Variants in COL25A1 observed in about 807,000 individuals in gnomAD.
COL25A1 encodes the protein collagen type XXV alpha 1 chain, also known as collagen alpha-1(XXV) chain.
Under a neutral mutation model 128.4 loss-of-function variants are expected in COL25A1, and 103 were observed. The ratio of observed to expected loss-of-function variants is 0.80; its 90% CI spans 0.68 to 0.94. The LOEUF is 0.94. Ranked by LOEUF, COL25A1 falls within the 40% of genes least tolerant of loss-of-function variation. COL25A1 has a pLI of 0.00. For missense variants in COL25A1, 745 were observed against 840.0 expected (o/e 0.89, Z 1.40); for synonymous variants, 279 against 277.2 (o/e 1.01, Z -0.06).
chr4:109,294,455 C>T (rs1419528040), intron 3 of COL25A1, among the ~76,000 whole-genome samples: 1 of 151,972 alleles, frequency 6.6e-6, no homozygotes, highest in African/African-American at 2.4e-5. Context: ...GAATAAATCC[C>T]AAATGAAGCA....
intron 3 of COL25A1, among the ~76,000 whole-genome samples, chr4:109,200,217 C>T (rs1776438223): frequency 6.6e-6 from 1 of 152,208 alleles, no homozygotes; most frequent in Non-Finnish European, 1.5e-5. Context: ...ATCAGATGTG[C>T]TCAAGCCTCA....
At chr4:109,125,682 A>G (rs1447344992) in intron 3 of COL25A1, among the ~76,000 whole-genome samples, 1 of 152,138 alleles carries the variant, frequency 6.6e-6, no homozygotes, top group Non-Finnish European at 1.5e-5. Flanking sequence ...ATGGTGATCA[A>G]TTTTCAACAC....
At chr4:109,052,299 C>T (rs1486035263) in intron 3 of COL25A1, among the ~76,000 whole-genome samples, 1 of 152,058 alleles carries the variant, frequency 6.6e-6, no homozygotes, top group Non-Finnish European at 1.5e-5. Context: ...ATTAAATATT[C>T]AATCAGAAGG....
At chr4:108,978,609 A>C (rs1752665152) in intron 6 of COL25A1, among the ~76,000 whole-genome samples, 1 of 152,214 alleles carries the variant, frequency 6.6e-6, no homozygotes, top group South Asian at 2.1e-4. Context: ...AATAAAAATT[A>C]ATGGCTATTT....
chr4:109,047,906 G>A (rs1320665298), intron 5 of COL25A1, among the ~76,000 whole-genome samples: 2 of 151,728 alleles, frequency 1.3e-5, no homozygotes, highest in African/African-American at 4.8e-5. Flanking sequence ...CTAATTTTTT[G>A]TATTTTTAGT....
At chr4:109,116,639 T>C (rs117750274) in intron 3 of COL25A1, among the ~76,000 whole-genome samples, 2,327 of 152,048 alleles carry the variant, frequency 0.015, 165 homozygotes, top group Admixed American at 0.12. Flanking sequence ...AAGCAAAACA[T>C]ATGGTGTCAG....
intron 3 of COL25A1, among the ~76,000 whole-genome samples, chr4:109,068,436 G>A (rs1164111464): frequency 6.6e-6 from 1 of 152,008 alleles, no homozygotes; most frequent in Non-Finnish European, 1.5e-5. Flanking sequence ...AGGGAAGCAG[G>A]GAAGAGGAGG....
chr4:109,285,456 A>T (rs1723787827), intron 3 of COL25A1, among the ~76,000 whole-genome samples: 1 of 152,230 alleles, frequency 6.6e-6, no homozygotes, highest in African/African-American at 2.4e-5. Flanking sequence ...AATGTAATGT[A>T]TGTCTAGATA....
intron 3 of COL25A1, among the ~76,000 whole-genome samples, chr4:109,126,063 C>T (rs1316770466): frequency 6.6e-6 from 1 of 151,898 alleles, no homozygotes; most frequent in African/African-American, 2.4e-5. Context: ...TTTGCTGTGC[C>T]GTAATATTTT....
chr4:109,136,444 T>C (rs1769773902), intron 3 of COL25A1, among the ~76,000 whole-genome samples: 1 of 152,130 alleles, frequency 6.6e-6, no homozygotes, highest in South Asian at 2.1e-4. Context: ...CATGCTATAA[T>C]TGAAGAAAGA....
chr4:109,209,124 T>C (rs1777288822), intron 3 of COL25A1, among the ~76,000 whole-genome samples: 1 of 152,174 alleles, frequency 6.6e-6, no homozygotes, highest in Admixed American at 6.6e-5. Context: ...CAATTAATAT[T>C]TTCAAGTAAC....
At chr4:108,884,338 C>A (rs1239933761) in intron 18 of COL25A1, 116 bp from the exon 19 acceptor site, 18 of 951,474 alleles carry the variant, frequency 1.9e-5, no homozygotes, top group Non-Finnish European at 2.7e-5. Context: ...AATAAAAAAA[C>A]CGTCTACTTT....
At chr4:109,146,103 A>G (rs1304942659) in intron 3 of COL25A1, among the ~76,000 whole-genome samples, 5 of 152,206 alleles carry the variant, frequency 3.3e-5, no homozygotes, top group Non-Finnish European at 7.3e-5. Context: ...TACTAGTATC[A>G]AAAGAAATAT....
chr4:109,056,643 A>G (rs1761475003), intron 3 of COL25A1, among the ~76,000 whole-genome samples: 1 of 151,998 alleles, frequency 6.6e-6, no homozygotes, highest in African/African-American at 2.4e-5. Flanking sequence ...AAGATTAAAA[A>G]AAAAAACTGT....
chr4:108,836,860 C>T (rs1733873382), intron 31 of COL25A1, among the ~76,000 whole-genome samples: 4 of 152,116 alleles, frequency 2.6e-5, no homozygotes, highest in Non-Finnish European at 5.9e-5. Context: ...GGGTGGATCA[C>T]CTGAGGTCAG....
chr4:108,830,040 A>G (rs996798765), intron 32 of COL25A1, among the ~76,000 whole-genome samples: 2 of 152,232 alleles, frequency 1.3e-5, no homozygotes, highest in Non-Finnish European at 2.9e-5. Flanking sequence ...ATTTTCTTAT[A>G]TAAAATAATG....
At chr4:109,053,538 T>A (rs1165879308) in intron 3 of COL25A1, among the ~76,000 whole-genome samples, 3 of 152,208 alleles carry the variant, frequency 2.0e-5, no homozygotes, top group Admixed American at 1.3e-4. Context: ...GGGTGGTTAT[T>A]GGAAGTAGCT....
intron 5 of COL25A1, among the ~76,000 whole-genome samples, chr4:109,037,298 G>T (rs1419284968): frequency 1.3e-5 from 2 of 152,202 alleles, no homozygotes; most frequent in Non-Finnish European, 2.9e-5. Flanking sequence ...TGGTGACTCG[G>T]CCACTTTGCA....
chr4:109,090,269 T>C (rs1343542942), intron 3 of COL25A1, among the ~76,000 whole-genome samples: 1 of 152,222 alleles, frequency 6.6e-6, no homozygotes, highest in Non-Finnish European at 1.5e-5. Context: ...AAACCTTTGC[T>C]AATTTATTCA....
Sources: allele counts gnomAD v4.1 joint callset (sites outside exome capture counted in the v4.1 genomes callset), GRCh38; gene constraint gnomAD v4.1.1; transcripts MANE v1.5; gene names NCBI Gene and HGNC (gene_info 2026-07-23, HGNC 2026-07-21).